ASAP2: variants seen among roughly 807,000 people sequenced by gnomAD.
The protein encoded by ASAP2 is ArfGAP with SH3 domain, ankyrin repeat and PH domain 2, also known as arf-GAP with SH3 domain, ANK repeat and PH domain-containing protein 2.
A neutral mutation model predicts 131.4 loss-of-function variants in ASAP2; 45 were observed. That is an observed-to-expected ratio of 0.34 (90% CI 0.27 to 0.44). ASAP2 has a LOEUF of 0.44. ASAP2 is among the 20% of genes least tolerant of loss of function. ASAP2 has a pLI of 1.00. For missense variants in ASAP2, 1,011 were observed against 1,297.0 expected (o/e 0.78, Z 3.39); for synonymous variants, 510 against 503.0 (o/e 1.01, Z -0.19).
At chr2:9,331,225 A>C (rs533857369) in intron 7 of ASAP2, among the ~76,000 whole-genome samples, 95 of 152,384 alleles carry the variant, frequency 6.2e-4, no homozygotes, top group African/African-American at 2.0e-3. Context: ...TCCAGGGCTC[A>C]GGTTTGGCTG....
At chr2:9,284,191 G>A (rs1667319977) in intron 2 of ASAP2, among the ~76,000 whole-genome samples, 1 of 152,236 alleles carries the variant, frequency 6.6e-6, no homozygotes, top group Non-Finnish European at 1.5e-5. Context: ...TAGGAGGTGG[G>A]CATCTGGTGG....
chr2:9,319,652 A>C (rs1187509782), intron 4 of ASAP2, among the ~76,000 whole-genome samples: 1 of 152,258 alleles, frequency 6.6e-6, no homozygotes, highest in Non-Finnish European at 1.5e-5. Flanking sequence ...AAAGCCAAAA[A>C]GTAGTCAACA....
At chr2:9,368,694 A>AT (rs1233312253) in intron 16 of ASAP2, among the ~76,000 whole-genome samples, 175 bp downstream of exon 16, 1 of 152,076 alleles carries the variant, frequency 6.6e-6, no homozygotes, top group African/African-American at 2.4e-5. Flanking sequence ...CCAAATAGAA[A>AT]TTTTTTTAGG....
Position 9,389,415 on chromosome 2 carries a change from G to T in ASAP2, c.2383+869G>T, listed in dbSNP as rs749859978. Among the ~76,000 whole-genome samples the T allele has an allele frequency of 2.0e-5, 3 of 152,186 alleles. No individual in the cohort carries two copies. Among genetic ancestry groups the T allele is most frequent in the Non-Finnish European group, 4.4e-5 (3 of 68,032 alleles). ...GAGCCGCTGATGGAGTGGAGCCCAC[G>T]TCCCCAAATACATCCCAAACTGTCC... On this transcript the variant is annotated intron_variant, in intron 22 of 27. Transcript: ENST00000281419. This position sits in a 1 kb window ranked among gnomAD's most constrained non-coding sequence, Gnocchi z 4.7.
At chr2:9,369,876 C>T (rs920428608) in intron 16 of ASAP2, among the ~76,000 whole-genome samples, 3 of 152,034 alleles carry the variant, frequency 2.0e-5, no homozygotes, top group African/African-American at 7.3e-5. Context: ...CCTTCAAGAC[C>T]TCTTGCCCAG....
chr2:9,390,510 C>T (rs1029044228), intron 22 of ASAP2, among the ~76,000 whole-genome samples: 1 of 152,230 alleles, frequency 6.6e-6, no homozygotes, highest in Non-Finnish European at 1.5e-5. Context: ...TTGTGGGTCA[C>T]CTGAACCTGA....
intron 7 of ASAP2, among the ~76,000 whole-genome samples, chr2:9,334,010 TTCTCTC>T (rs1275386211): frequency 6.7e-6 from 1 of 149,140 alleles, no homozygotes; most frequent in Non-Finnish European, 1.5e-5. Flanking sequence ...TCTGCATTAT[TTCTCTC>T]TCTCTCTGTC....
rs1676583123 is a variant in ASAP2, at chr2:9,400,645, A to G, written c.2735-97A>G. The G allele has an allele frequency of 2.6e-6, 3 of 1,143,376 alleles. No homozygotes were observed. The Admixed American group carries it at 5.2e-5, about 20-fold the overall frequency. 70.8% of individuals were successfully genotyped at this position (1,143,376 alleles called of 1,614,324 possible). A position where few individuals can be genotyped will look rare whatever the true frequency, so the allele number is the denominator to read the frequency against. ...CTCAACAGATCGGAACACCTGGGGA[A>G]ACCTGCTTTCAGACACACCCTGTGG... On this transcript the variant is annotated intron_variant, in intron 25 of 27. Coordinates refer to ENST00000281419, the MANE Select transcript of ASAP2 (RefSeq NM_003887.3).
chr2:9,333,661 G>A (rs1670987724), intron 7 of ASAP2, among the ~76,000 whole-genome samples: 1 of 152,146 alleles, frequency 6.6e-6, no homozygotes, highest in Admixed American at 6.5e-5. Flanking sequence ...AATGAAGAGG[G>A]TGGAATGGTG....
Position 9,211,845 on chromosome 2 carries a change from A to T in ASAP2, c.126+4615A>T, listed in dbSNP as rs187127857. ...GACTTGTTTGAAAAACAGTTCCTCC[A>T]AGTCCCCAGAACAGATTATTGCTGT... On this transcript the variant is annotated intron_variant, in intron 1 of 27. Coordinates refer to ENST00000281419, the MANE Select transcript of ASAP2 (RefSeq NM_003887.3). 6.0e-4 allele frequency among the ~76,000 whole-genome samples: 91 copies of T among 152,282 alleles called. No homozygotes were observed. In the Middle Eastern group the frequency reaches 0.014, roughly 23 times the overall value.
At chr2:9,290,177 A>G (rs1366362841) in intron 2 of ASAP2, among the ~76,000 whole-genome samples, 2 of 152,092 alleles carry the variant, frequency 1.3e-5, no homozygotes, top group African/African-American at 4.8e-5. Flanking sequence ...TTTGGGAGAG[A>G]AAGACATATT....
chr2:9,235,617 C>T (rs1014785990), intron 1 of ASAP2, among the ~76,000 whole-genome samples: 4 of 151,896 alleles, frequency 2.6e-5, no homozygotes, highest in South Asian at 2.1e-4. Flanking sequence ...AGCTGGGGCA[C>T]GTGAGCTGCT....
At chr2:9,293,256 G>T (rs1261716317) in intron 2 of ASAP2, among the ~76,000 whole-genome samples, 2 of 152,178 alleles carry the variant, frequency 1.3e-5, no homozygotes, top group African/African-American at 2.4e-5. Flanking sequence ...CGTGCAGTGA[G>T]GTGGGGGAGA....
At chr2:9,345,298 C>T (rs1257779571) in intron 11 of ASAP2, among the ~76,000 whole-genome samples, 8 of 152,152 alleles carry the variant, frequency 5.3e-5, no homozygotes, top group Non-Finnish European at 1.2e-4. Flanking sequence ...TTATTGAAAT[C>T]TTAACATATG....
At chr2:9,272,844 T>TA (rs957396108) in intron 1 of ASAP2, among the ~76,000 whole-genome samples, 3 of 152,214 alleles carry the variant, frequency 2.0e-5, no homozygotes, top group East Asian at 1.9e-4. Flanking sequence ...GGCACATTTG[T>TA]AAAAAATGAG....
intron 1 of ASAP2, among the ~76,000 whole-genome samples, chr2:9,251,979 G>A (rs1465962498): frequency 6.7e-6 from 1 of 150,020 alleles, no homozygotes; most frequent in East Asian, 1.9e-4. Context: ...ATTGAATTTA[G>A]TTCATCAGTT....
At chr2:9,222,393 T>C (rs1467435965) in intron 1 of ASAP2, among the ~76,000 whole-genome samples, 1 of 152,214 alleles carries the variant, frequency 6.6e-6, no homozygotes, top group Non-Finnish European at 1.5e-5. Flanking sequence ...TGGTAGTCAC[T>C]CAGGAGGCTT....
chr2:9,333,146 C>T (rs1670952778), intron 7 of ASAP2, among the ~76,000 whole-genome samples: 1 of 152,222 alleles, frequency 6.6e-6, no homozygotes, highest in South Asian at 2.1e-4. Flanking sequence ...GTAAACATCA[C>T]CTCACATGAC....
At chr2:9,382,443 C>G (rs1572600807) in intron 20 of ASAP2, among the ~76,000 whole-genome samples, 1 of 152,166 alleles carries the variant, frequency 6.6e-6, no homozygotes, top group Non-Finnish European at 1.5e-5. Context: ...TCCTGAGACA[C>G]CCATAGTGTG....
Sources: gnomAD v4.1 joint callset for allele counts (sites outside exome capture counted in the v4.1 genomes callset) on GRCh38, gnomAD v4.1.1 for gene constraint, Gnocchi (gnomAD v3.1) non-coding constraint, MANE v1.5 for transcripts, NCBI Gene and HGNC (gene_info 2026-07-23, HGNC 2026-07-21) for gene names.